The following DOCK9 variants were observed in gnomAD, a reference collection of about 807,000 sequenced individuals.
DOCK9 encodes the protein dedicator of cytokinesis protein 9.
DOCK9 carries 89 observed loss-of-function variants against 263.3 expected under a neutral mutation model. The ratio of observed to expected loss-of-function variants is 0.34; its 90% confidence interval spans 0.28 to 0.40. The LOEUF (loss-of-function observed/expected upper bound fraction) is 0.40, where lower values mean the gene tolerates loss of function less well. DOCK9 is among the 10% of genes least tolerant of loss of function. DOCK9 has a pLI of 1.00. For synonymous variants in DOCK9, 976 were observed against 973.1 expected, an observed-to-expected ratio of 1.00 and a Z score of -0.06; for missense variants, 2,140 against 2,603.4, an observed-to-expected ratio of 0.82 and a Z score of 3.87.
At chr13:99,008,722 C>G (rs1348142215) in intron 1 of DOCK9, among the ~76,000 whole-genome samples, 8 of 152,198 alleles carry the variant, frequency 5.3e-5, no homozygotes, top group Non-Finnish European at 1.2e-4. Flanking sequence ...CCAGTATGGT[C>G]AGGGCCTGGT....
chr13:99,008,792 C>T (rs1306308716), intron 1 of DOCK9, among the ~76,000 whole-genome samples: 1 of 152,166 alleles, frequency 6.6e-6, no homozygotes. Context: ...CCAGGAGGAT[C>T]ATTTCCTCTT....
chr13:98,997,431 T>C (rs1335602050), intron 1 of DOCK9, among the ~76,000 whole-genome samples: 4 of 152,202 alleles, frequency 2.6e-5, no homozygotes, highest in Non-Finnish European at 4.4e-5. Flanking sequence ...CACCTCAGAG[T>C]TGCTTTGCCT....
chr13:98,991,059 G>A (rs1223823688), intron 1 of DOCK9, among the ~76,000 whole-genome samples: 1 of 149,078 alleles, frequency 6.7e-6, no homozygotes, highest in Admixed American at 6.7e-5. Flanking sequence ...GGACTAAAAG[G>A]GATGCAAACA....
At chr13:98,926,387 T>C (rs553625601) in intron 3 of DOCK9, among the ~76,000 whole-genome samples, 1 of 152,346 alleles carries the variant, frequency 6.6e-6, no homozygotes, top group East Asian at 1.9e-4. Context: ...AGTTTTTCTT[T>C]CCATTCATAA....
intron 1 of DOCK9, among the ~76,000 whole-genome samples, chr13:99,044,016 T>A (rs1888725811): frequency 1.3e-5 from 2 of 152,216 alleles, no homozygotes; most frequent in South Asian, 4.1e-4. Flanking sequence ...ACCATTTATA[T>A]TTAATTACCA....
At chr13:98,922,224 A>C in intron 5 of DOCK9, 78 bp from the exon 6 acceptor site, 1 of 1,072,880 alleles carries the variant, frequency 9.3e-7, no homozygotes, top group African/African-American at 1.6e-5. Context: ...GTCAATGGGA[A>C]GGTCATTCCC....
intron 27 of DOCK9, among the ~76,000 whole-genome samples, chr13:98,868,902 G>A (rs540667201): frequency 8.5e-5 from 13 of 152,286 alleles, no homozygotes; most frequent in East Asian, 5.8e-4. Context: ...AAACTTCAGC[G>A]TAATAAAGAT....
intron 1 of DOCK9, chr13:99,015,710 A>G (rs1419223260): frequency 7.0e-7 from 1 of 1,425,166 alleles, no homozygotes; most frequent in African/African-American, 1.4e-5. Context: ...CATCTTCGTG[A>G]CAAGCAGTCA....
rs553336412 is a variant in DOCK9 at position 98,965,848 on chromosome 13, C to T, written c.127-10297G>A. ...CTCCAGTGTGGTGTTATCCTAAGAA[C>T]AGACTAACACCAACAATTAGACATT... is the stretch of plus-strand genomic sequence containing the variant. On this transcript the variant is annotated intron_variant, in intron 1 of 52. Transcript: ENST00000682017. Among the ~76,000 whole-genome samples the T allele has an allele frequency of 3.3e-5, 5 of 152,290 alleles. No homozygotes were observed. In the South Asian group the frequency reaches 1.0e-3, roughly 32 times the overall value.
intron 1 of DOCK9, among the ~76,000 whole-genome samples, chr13:99,002,067 C>T (rs1882448141): frequency 6.6e-6 from 1 of 152,202 alleles, no homozygotes; most frequent in Non-Finnish European, 1.5e-5. Flanking sequence ...GAAGATGGGG[C>T]ATGGGGCACT....
chr13:98,848,414 G>A (rs1228441667), intron 37 of DOCK9, among the ~76,000 whole-genome samples, 178 bp downstream of exon 37: 1 of 152,184 alleles, frequency 6.6e-6, no homozygotes, highest in East Asian at 1.9e-4. Flanking sequence ...TTCGCCGGTA[G>A]GAATGCAGAC....
At chr13:98,968,209 CT>C (rs1056080498) in intron 1 of DOCK9, among the ~76,000 whole-genome samples, 8 of 151,926 alleles carry the variant, frequency 5.3e-5, no homozygotes, top group East Asian at 3.9e-4. Context: ...TATAAAATAC[CT>C]TTTTTTTAAA....
At chr13:98,819,595 A>G (rs962960986) in intron 45 of DOCK9, among the ~76,000 whole-genome samples, 1 of 152,200 alleles carries the variant, frequency 6.6e-6, no homozygotes, top group African/African-American at 2.4e-5. Context: ...CATCCGGCAA[A>G]GGCAGAACAG....
chr13:98,887,143 A>ATATATATATTT (rs1470080750), intron 18 of DOCK9, among the ~76,000 whole-genome samples: 56 of 95,172 alleles, frequency 5.9e-4, no homozygotes, highest in African/African-American at 2.3e-3. Context: ...ATATATATAT[A>ATATATATATTT]TTTTTTTTTT....
chr13:98,851,888 C>T lies in DOCK9; in HGVS notation c.3946+1520G>A, dbSNP rs2093583562. ...GAGAAGATTTCTTAAATGGGATGCACACACACACAAATTCTAATTATAAAG... is the reference window on the plus strand; with the variant it reads ...GAGAAGATTTCTTAAATGGGATGCATACACACACAAATTCTAATTATAAAG... On this transcript the variant is annotated intron_variant, in intron 35 of 52. Coordinates refer to ENST00000682017, the MANE Select transcript of DOCK9 (RefSeq NM_001366683.2). Among the ~76,000 whole-genome samples the T allele has an allele frequency of 2.0e-5, 3 of 152,030 alleles. No individual in the cohort carries two copies. The South Asian group carries it at 6.2e-4, about 32-fold the overall frequency.
At chr13:99,060,239 A>G (rs1350354715) in intron 1 of DOCK9, among the ~76,000 whole-genome samples, 1 of 151,602 alleles carries the variant, frequency 6.6e-6, no homozygotes, top group Non-Finnish European at 1.5e-5. Context: ...GCACCCAGCT[A>G]AATTTTTTTG....
intron 1 of DOCK9, among the ~76,000 whole-genome samples, chr13:99,078,741 AAAAG>A (rs1475036008): frequency 6.6e-6 from 1 of 152,236 alleles, no homozygotes; most frequent in Non-Finnish European, 1.5e-5. Flanking sequence ...AACAGGAAGA[AAAAG>A]AACTATCTCT....
intron 1 of DOCK9, among the ~76,000 whole-genome samples, chr13:99,085,828 G>A (rs1270045814): frequency 1.3e-5 from 2 of 151,254 alleles, no homozygotes; most frequent in African/African-American, 2.4e-5. Context: ...AAACATGGAA[G>A]GAGAGGGAGG....
chr13:98,930,065 T>A, intron 3 of DOCK9, 103 bp downstream of exon 3: 1 of 1,025,848 alleles, frequency 9.7e-7, no homozygotes. Context: ...AGAAATACAA[T>A]TACCCTTTTG....
Sources: gnomAD v4.1 joint callset for allele counts (sites outside exome capture counted in the v4.1 genomes callset) on GRCh38, gnomAD v4.1.1 for gene constraint, MANE v1.5 for transcripts, NCBI Gene and HGNC (gene_info 2026-07-23, HGNC 2026-07-21) for gene names.